Variants in KIF5B observed in about 807,000 individuals in gnomAD.
KIF5B encodes kinesin family member 5B.
A neutral mutation model predicts 132.8 loss-of-function variants in KIF5B; 49 were observed. The ratio of observed to expected loss-of-function variants is 0.37; its 90% CI spans 0.29 to 0.47. The LOEUF is 0.47. KIF5B is among the 20% of genes least tolerant of loss of function. The pLI, the probability that KIF5B is intolerant of heterozygous loss-of-function variation, is 1.00. For synonymous variants in KIF5B, 355 were observed against 369.4 expected, an observed-to-expected ratio of 0.96 and a Z score of 0.45; for missense variants, 780 against 1,144.0, an observed-to-expected ratio of 0.68 and a Z score of 4.59.
At chr10:32,018,224 G>T in intron 22 of KIF5B, 68 bp from the exon 23 acceptor site, 3 of 1,444,942 alleles carry the variant, frequency 2.1e-6, no homozygotes, top group Non-Finnish European at 1.9e-6. Context: ...AAAAATTGAC[G>T]TGACTGTAAA....
chr10:32,025,322 A>G (rs918007495), intron 15 of KIF5B, among the ~76,000 whole-genome samples: 3 of 152,138 alleles, frequency 2.0e-5, no homozygotes, highest in Non-Finnish European at 4.4e-5. Flanking sequence ...ACTTCTAGGT[A>G]TTTTTACTCA....
chr10:32,033,122 T>G (rs547433871), intron 12 of KIF5B, among the ~76,000 whole-genome samples: 1 of 152,322 alleles, frequency 6.6e-6, no homozygotes, highest in East Asian at 1.9e-4. Context: ...TGACATTACT[T>G]CTATATGCAA....
Position 32,016,915 on chromosome 10 carries a change from CTA to C in KIF5B, c.2761+226_2761+227del, listed in dbSNP as rs1210282901. On this transcript the variant is annotated intron_variant, in intron 24 of 25. Coordinates refer to ENST00000302418, the MANE Select transcript of KIF5B (RefSeq NM_004521.3). ...TTCTCTTGGCTTTAATAATATTGCT[CTA>C]TATAGTTTCTCCATTCCATGACCAT... is the stretch of plus-strand genomic sequence containing the variant. Among the ~76,000 whole-genome samples the C allele has an allele frequency of 5.3e-5, 8 of 152,288 alleles. No individual in the cohort carries two copies. In the Middle Eastern group the frequency reaches 0.014, roughly 259 times the overall value.
At chr10:32,023,434 G>T (rs1701057681) in intron 15 of KIF5B, among the ~76,000 whole-genome samples, 1 of 152,158 alleles carries the variant, frequency 6.6e-6, no homozygotes, top group Non-Finnish European at 1.5e-5. Flanking sequence ...AGGATGTTTA[G>T]GTGGCAGGGA....
At chr10:32,030,795 T>C (rs534299452) in intron 14 of KIF5B, among the ~76,000 whole-genome samples, 1 of 152,310 alleles carries the variant, frequency 6.6e-6, no homozygotes, top group South Asian at 2.1e-4. Context: ...AGATTCTACA[T>C]GCTATATACT....
At chr10:32,055,750 C>T in intron 1 of KIF5B, 98 bp downstream of exon 1, 1 of 1,473,574 alleles carries the variant, frequency 6.8e-7, no homozygotes. Context: ...GGGGACACCG[C>T]CGCTCCCTTT....
intron 6 of KIF5B, among the ~76,000 whole-genome samples, 185 bp downstream of exon 6, chr10:32,037,978 C>T (rs907932750): frequency 7.9e-5 from 12 of 151,874 alleles, no homozygotes; most frequent in Non-Finnish European, 1.5e-4. Context: ...GGCGTGGTGG[C>T]GCATGCCTGT....
At chr10:32,024,506 G>C (rs1481294749) in intron 15 of KIF5B, among the ~76,000 whole-genome samples, 1 of 151,108 alleles carries the variant, frequency 6.6e-6, no homozygotes, top group African/African-American at 2.4e-5. Flanking sequence ...GCTCACGCCT[G>C]TAATCCCAGC....
Position 32,021,114 on chromosome 10 carries a change from C to T in KIF5B, c.2112G>A (p.Gln704=). The change falls in exon 19 of 26, where the codon CAG becomes CAA. Residue 704 remains glutamine (Q), a synonymous_variant. Transcript: ENST00000302418. ...ANEVKQAVEQ[Q]IQSHRETHQK... ...GATGAGTTTCTCTATGGCTCTGGATCTGCTGTTCAACAGCTTGCTAAAATT... is the reference window on the plus strand; with the variant it reads ...GATGAGTTTCTCTATGGCTCTGGATTTGCTGTTCAACAGCTTGCTAAAATT... 2 of 1,613,688 alleles carry T rather than the reference C, an allele frequency of 1.2e-6. No individual in the cohort carries two copies. The highest frequency in any genetic ancestry group is 1.1e-5 in the South Asian group (1 of 91,070).
chr10:32,034,154 T>G (rs1841435813), intron 11 of KIF5B, 116 bp from the exon 12 acceptor site: 1 of 615,528 alleles, frequency 1.6e-6, no homozygotes. Context: ...TCTGTCACCC[T>G]GGCTGGAGTG....
Position 32,055,916 on chromosome 10 carries a change from C to T in KIF5B, c.58G>A (p.Glu20Lys), listed in dbSNP as rs1841756030. Reference sequence around the variant, plus strand: ...TTGTCGCCGCGGTTCACTTCAGACTCGTTGAGAGGTCTGAAGCGACACATC... The same window carrying T: ...TTGTCGCCGCGGTTCACTTCAGACTTGTTGAGAGGTCTGAAGCGACACATC... The part of the protein sequence containing the change: ...KVMCRFRPLN[E>K]SEVNRGDKYI... The change falls in exon 1 of 26, where the codon GAG becomes AAG. Residue 20 changes from glutamate (E) to lysine (K), a missense_variant. Physicochemically the swap from Glu to Lys is moderately conservative, Grantham distance 56 (BLOSUM62 1). Transcript: ENST00000302418. 4 of 1,612,532 alleles carry T rather than the reference C, an allele frequency of 2.5e-6. No individual in the cohort carries two copies. Among genetic ancestry groups the T allele is most frequent in the East Asian group, 2.2e-5 (1 of 44,866 alleles).
At chr10:32,052,231 T>C (rs192245929) in intron 1 of KIF5B, among the ~76,000 whole-genome samples, 170 of 152,356 alleles carry the variant, frequency 1.1e-3, no homozygotes, top group Non-Finnish European at 2.0e-3. Context: ...GAGTGTATTA[T>C]ATTAGATTTT....
intron 1 of KIF5B, 72 bp downstream of exon 1, chr10:32,055,776 C>A: frequency 6.4e-7 from 1 of 1,570,526 alleles, no homozygotes; most frequent in South Asian, 1.1e-5. Flanking sequence ...CTGCACCCTG[C>A]CACTTCCCTA....
chr10:32,030,502 T>G (rs1462105596), intron 14 of KIF5B, among the ~76,000 whole-genome samples: 3 of 142,274 alleles, frequency 2.1e-5, no homozygotes, highest in Non-Finnish European at 3.0e-5. Flanking sequence ...GCAACCAGAG[T>G]GAAACTTTGT....
At chr10:32,030,092 A>C (rs1237105282) in intron 14 of KIF5B, among the ~76,000 whole-genome samples, 2 of 152,248 alleles carry the variant, frequency 1.3e-5, no homozygotes, top group Non-Finnish European at 1.5e-5. Context: ...AGAAGCTAGC[A>C]TTAACCACAA....
At chr10:32,012,302 G>A (rs569662254) in intron 25 of KIF5B, among the ~76,000 whole-genome samples, 11 of 152,186 alleles carry the variant, frequency 7.2e-5, no homozygotes, top group Admixed American at 5.2e-4. Context: ...GCAAAACCCC[G>A]TCTCTAGTAA....
chr10:32,017,605 G>C (rs577989616), intron 23 of KIF5B, among the ~76,000 whole-genome samples: 8 of 152,162 alleles, frequency 5.3e-5, no homozygotes, highest in Admixed American at 3.3e-4. Flanking sequence ...CCCTCTACTA[G>C]GCAAAGACAA....
In KIF5B at chr10:32,023,034, C is replaced by G. The variant is rs1259475939; in HGVS notation, c.1728G>C (p.Gln576His). 6.5e-7 allele frequency: 1 copy of G among 1,541,382 alleles called. No individual in the cohort carries two copies. Among genetic ancestry groups the G allele is most frequent in the East Asian group, 2.3e-5 (1 of 43,718 alleles). Residue 576 changes from glutamine to histidine, a missense_variant and splice_region_variant, in exon 16 of 26, where the codon CAG becomes CAC. By Grantham distance (24) the Gln-to-His change is conservative. Around this residue, in one of 9 missense-constraint regions of KIF5B, gnomAD observed 471 missense variants for 569.9 expected, o/e 0.83. Coordinates refer to ENST00000302418, the MANE Select transcript of KIF5B (RefSeq NM_004521.3). ...CATCTATCATGCCAGTTCCCTCAGG[C>G]TGCTGTAAGGAAAAAGTAAAATAAA... ...GIAVGNNDVK[Q>H]PEGTGMIDEE...
intron 10 of KIF5B, 46 bp from the exon 11 acceptor site, chr10:32,034,884 T>G: frequency 6.9e-7 from 1 of 1,442,998 alleles, no homozygotes; most frequent in Non-Finnish European, 9.3e-7. Flanking sequence ...CTGAAATTAT[T>G]TTTAATTTTA....
Sources: gnomAD v4.1 joint callset for allele counts (sites outside exome capture counted in the v4.1 genomes callset) on GRCh38, gnomAD v4.1.1 for gene constraint, gnomAD v4.1.1 regional missense constraint, MANE v1.5 for transcripts, NCBI Gene and HGNC (gene_info 2026-07-23, HGNC 2026-07-21) for gene names.